C8orf89: variants seen among roughly 807,000 people sequenced by gnomAD.
C8orf89 encodes the protein chromosome 8 open reading frame 89.
C8orf89 carries 14 observed loss-of-function variants against 15.8 expected under a neutral mutation model. The observed-to-expected ratio is 0.89, with a 90% CI of 0.59 to 1.39. The LOEUF (loss-of-function observed/expected upper bound fraction) is 1.39. Ranked by LOEUF, C8orf89 falls within the 40% of genes most tolerant of loss-of-function variation. The pLI is 0.00. For missense variants in C8orf89, 181 were observed against 184.5 expected, an observed-to-expected ratio of 0.98 and a Z score of 0.11; for synonymous variants, 55 against 62.2, an observed-to-expected ratio of 0.88 and a Z score of 0.54.
chr8:73,265,064 T>C, the C8orf89 span, among the ~76,000 whole-genome samples: 1 of 151,906 alleles, frequency 6.6e-6, no homozygotes, highest in Admixed American at 6.6e-5. Context: ...ACACATCAGA[T>C]TGCAAACACT....
At chr8:73,267,527 C>T in the C8orf89 span, among the ~76,000 whole-genome samples, 1 of 152,280 alleles carries the variant, frequency 6.6e-6, no homozygotes, top group South Asian at 2.1e-4. Flanking sequence ...AATAACCAAG[C>T]ATTTATTCAA....
the C8orf89 span, among the ~76,000 whole-genome samples, chr8:73,275,231 CTTTTTTTTTTTT>C: frequency 3.5e-5 from 3 of 84,744 alleles, no homozygotes; most frequent in Non-Finnish European, 4.3e-5. Context: ...TGTAATAGTT[CTTTTTTTTTTTT>C]TTTTTTTTTT....
upstream of C8orf89, among the ~76,000 whole-genome samples, chr8:73,264,492 A>G (rs1447330770): frequency 6.6e-6 from 1 of 152,044 alleles, no homozygotes; most frequent in African/African-American, 2.4e-5. Flanking sequence ...TCATTGACAA[A>G]GTGATCTCTT....
the C8orf89 span, among the ~76,000 whole-genome samples, chr8:73,280,881 A>T: frequency 6.6e-6 from 1 of 151,992 alleles, no homozygotes; most frequent in African/African-American, 2.4e-5. Flanking sequence ...ACAGTCAATA[A>T]AAAATTCATT....
chr8:73,266,769 C>T, the C8orf89 span, among the ~76,000 whole-genome samples: 5 of 151,888 alleles, frequency 3.3e-5, no homozygotes, highest in South Asian at 2.1e-4. Flanking sequence ...GAACTGCAGG[C>T]GCCCAGAAAC....
At chr8:73,244,422 CA>C (rs1261520915) in intron 3 of C8orf89, among the ~76,000 whole-genome samples, 12 of 152,188 alleles carry the variant, frequency 7.9e-5, no homozygotes, top group Admixed American at 4.6e-4. Flanking sequence ...AAGTTCCAAT[CA>C]CTACGTATTA....
the C8orf89 span, among the ~76,000 whole-genome samples, chr8:73,283,263 G>A: frequency 1.3e-5 from 2 of 152,108 alleles, no homozygotes; most frequent in Admixed American, 1.3e-4. Flanking sequence ...CTGGAGAAGG[G>A]AATTATTAAT....
the C8orf89 span, among the ~76,000 whole-genome samples, chr8:73,280,082 T>C: frequency 6.6e-6 from 1 of 152,226 alleles, no homozygotes; most frequent in Non-Finnish European, 1.5e-5. Flanking sequence ...CACTAAGTTT[T>C]GGAGAAATTT....
intron 3 of C8orf89, among the ~76,000 whole-genome samples, chr8:73,248,340 T>C (rs1400550130): frequency 6.6e-6 from 1 of 152,116 alleles, no homozygotes; most frequent in African/African-American, 2.4e-5. Context: ...TTGGTTACCA[T>C]AGCCCTGTAC....
At chr8:73,277,752 A>G in the C8orf89 span, 1 of 743,858 alleles carries the variant, frequency 1.3e-6, no homozygotes, top group Non-Finnish European at 2.5e-6. Flanking sequence ...CATGGGTTTT[A>G]GGGAGGACAG....
upstream of C8orf89, chr8:73,259,548 A>G (rs532431332): frequency 2.3e-5 from 20 of 864,648 alleles, no homozygotes; most frequent in African/African-American, 3.3e-4. Context: ...CGTCCGAGAC[A>G]AGGCAAACAG....
chr8:73,250,401 A>T (rs949732875), intron 2 of C8orf89, 78 bp from the exon 3 acceptor site: 10 of 762,884 alleles, frequency 1.3e-5, no homozygotes, highest in Non-Finnish European at 2.1e-5. Context: ...GAATAACATC[A>T]CATAGACATT....
At chr8:73,280,273 T>A in the C8orf89 span, among the ~76,000 whole-genome samples, 2 of 152,226 alleles carry the variant, frequency 1.3e-5, no homozygotes, top group African/African-American at 2.4e-5. Context: ...TTGAAATATA[T>A]TGAAGCAAAA....
the C8orf89 span, among the ~76,000 whole-genome samples, chr8:73,274,230 T>C: frequency 6.6e-6 from 1 of 152,096 alleles, no homozygotes; most frequent in Non-Finnish European, 1.5e-5. Context: ...CTCAGCTCAC[T>C]GTAAGCTCCG....
At chr8:73,242,056 G>A (rs1261156180) in intron 3 of C8orf89, among the ~76,000 whole-genome samples, 1 of 152,132 alleles carries the variant, frequency 6.6e-6, no homozygotes, top group Non-Finnish European at 1.5e-5. Context: ...AAGCATTGGG[G>A]AAACTCTCCA....
chr8:73,261,862 C>A (rs1194519053), upstream of C8orf89, among the ~76,000 whole-genome samples: 2 of 152,140 alleles, frequency 1.3e-5, no homozygotes, highest in African/African-American at 4.8e-5. Context: ...CTGGGCCCAG[C>A]CCACGCTTCC....
chr8:73,254,323 G>C (rs1293345372), intron 2 of C8orf89, among the ~76,000 whole-genome samples: 1 of 151,972 alleles, frequency 6.6e-6, no homozygotes, highest in African/African-American at 2.4e-5. Context: ...TGTGCTGCTG[G>C]ATTCGTTTTG....
At chr8:73,270,235 A>G in the C8orf89 span, among the ~76,000 whole-genome samples, 1 of 152,202 alleles carries the variant, frequency 6.6e-6, no homozygotes, top group African/African-American at 2.4e-5. Flanking sequence ...CCATCCCAAT[A>G]CCAAACATCT....
chr8:73,258,715 C>A (rs753296150), intron 1 of C8orf89, among the ~76,000 whole-genome samples: 4 of 151,076 alleles, frequency 2.6e-5, no homozygotes, highest in Non-Finnish European at 5.9e-5. Flanking sequence ...TGCAGCCTCA[C>A]CCTCTCCAGG....
Sources: allele counts gnomAD v4.1 joint callset (sites outside exome capture counted in the v4.1 genomes callset), GRCh38; gene constraint gnomAD v4.1.1; transcripts MANE v1.5; gene names NCBI Gene and HGNC (gene_info 2026-07-23, HGNC 2026-07-21).